The following MEI4 variants were observed in gnomAD, a reference collection of about 807,000 sequenced individuals.
MEI4 encodes meiotic double-stranded break formation protein 4, also known as meiosis-specific protein MEI4.
In MEI4, 27 loss-of-function variants were observed where a neutral mutation model predicts 31.4. That is an observed-to-expected ratio of 0.86 (90% CI 0.63 to 1.19). MEI4 has a LOEUF of 1.19. Ranked by LOEUF, MEI4 falls within the 50% of genes most tolerant of loss-of-function variation. The pLI is 0.00. For synonymous variants in MEI4, 122 were observed against 145.4 expected (o/e 0.84, Z 1.16); for missense variants, 329 against 398.9 (o/e 0.82, Z 1.49).
chr6:77,759,299 C>G (rs1204972732), intron 2 of MEI4, among the ~76,000 whole-genome samples: 2 of 151,994 alleles, frequency 1.3e-5, no homozygotes, highest in Non-Finnish European at 2.9e-5. Flanking sequence ...TTCAGGGTAT[C>G]TTTTTTGATC....
intron 3 of MEI4, among the ~76,000 whole-genome samples, chr6:77,818,477 T>G (rs1450784635): frequency 1.3e-5 from 2 of 152,186 alleles, no homozygotes; most frequent in East Asian, 1.9e-4. Context: ...GAATTGATTT[T>G]CACAATCTTG....
chr6:77,822,743 C>A (rs1395458274), intron 3 of MEI4, among the ~76,000 whole-genome samples: 2 of 151,460 alleles, frequency 1.3e-5, no homozygotes, highest in Non-Finnish European at 2.9e-5. Context: ...TCTCAGCCTC[C>A]CGAGTAGCTG....
intron 3 of MEI4, among the ~76,000 whole-genome samples, chr6:77,827,896 G>T (rs2127710937): frequency 6.6e-6 from 1 of 152,212 alleles, no homozygotes; most frequent in African/African-American, 2.4e-5. Context: ...ACAGTTCATA[G>T]CTATACTATG....
Position 77,871,306 on chromosome 6 carries a change from C to A in MEI4, c.900+42244C>A, listed in dbSNP as rs565442163. Among the ~76,000 whole-genome samples the A allele has an allele frequency of 2.6e-5, 4 of 152,134 alleles. No individual in the cohort carries two copies. The East Asian group carries it at 7.7e-4, about 29-fold the overall frequency. ...CTTCCTATTAAAACACAAACAAAAACAAAAGTCTACCTAAAAAAGATATTT... is the reference window on the plus strand; with the variant it reads ...CTTCCTATTAAAACACAAACAAAAAAAAAAGTCTACCTAAAAAAGATATTT... On this transcript the variant is annotated intron_variant, in intron 4 of 4. Transcript: ENST00000684080.
At chr6:77,904,308 C>T (rs1002797374) in intron 4 of MEI4, among the ~76,000 whole-genome samples, 1 of 151,982 alleles carries the variant, frequency 6.6e-6, no homozygotes, top group Non-Finnish European at 1.5e-5. Context: ...AATTTTCTTT[C>T]CAACTTTTTT....
intron 3 of MEI4, among the ~76,000 whole-genome samples, chr6:77,813,143 C>T (rs1769613214): frequency 6.6e-6 from 1 of 151,982 alleles, no homozygotes; most frequent in African/African-American, 2.4e-5. Context: ...TGCCTGATCC[C>T]AGTATTTTTT....
chr6:77,712,153 A>C (rs2127660234), intron 2 of MEI4, among the ~76,000 whole-genome samples: 1 of 152,318 alleles, frequency 6.6e-6, no homozygotes, highest in South Asian at 2.1e-4. Flanking sequence ...TTTACAAGTA[A>C]ATGTTTAAGA....
At chr6:77,811,031 A>G (rs1478229855) in intron 3 of MEI4, among the ~76,000 whole-genome samples, 1 of 152,220 alleles carries the variant, frequency 6.6e-6, no homozygotes, top group Non-Finnish European at 1.5e-5. Flanking sequence ...ACTCAATTGC[A>G]GTCTAATTTT....
intron 4 of MEI4, among the ~76,000 whole-genome samples, chr6:77,863,175 A>G (rs1308089960): frequency 6.6e-6 from 1 of 152,088 alleles, no homozygotes; most frequent in Non-Finnish European, 1.5e-5. Context: ...AAATCAGAGC[A>G]CCTCTCCTCC....
intron 2 of MEI4, among the ~76,000 whole-genome samples, chr6:77,726,832 T>TAATG (rs35867512): frequency 0.81 from 122,807 of 151,758 alleles, 49,937 homozygotes; most frequent in East Asian, 0.95. Context: ...CAGACAAAAA[T>TAATG]AAGCTTATTT....
chr6:77,746,535 A>G (rs1238370062), intron 2 of MEI4, among the ~76,000 whole-genome samples: 2 of 152,122 alleles, frequency 1.3e-5, no homozygotes, highest in Non-Finnish European at 2.9e-5. Context: ...ACTACAACTT[A>G]CAGTATCCTG....
At chr6:77,841,680 A>G (rs1282581164) in intron 4 of MEI4, among the ~76,000 whole-genome samples, 1 of 152,000 alleles carries the variant, frequency 6.6e-6, no homozygotes, top group African/African-American at 2.4e-5. Context: ...CAAAATAATA[A>G]AGACCTTTAA....
chr6:77,869,517 G>A (rs1056420159), intron 4 of MEI4, among the ~76,000 whole-genome samples: 6 of 152,042 alleles, frequency 3.9e-5, no homozygotes, highest in Non-Finnish European at 7.4e-5. Context: ...CCACGTGAAG[G>A]GGCAACAGAA....
chr6:77,702,055 A>G (rs1766238178), intron 2 of MEI4, among the ~76,000 whole-genome samples: 1 of 152,144 alleles, frequency 6.6e-6, no homozygotes, highest in African/African-American at 2.4e-5. Context: ...CTCATCTTGT[A>G]TAAGCATGTA....
chr6:77,867,977 C>A (rs1411338315), intron 4 of MEI4, among the ~76,000 whole-genome samples: 7 of 151,600 alleles, frequency 4.6e-5, no homozygotes, highest in African/African-American at 1.7e-4. Context: ...ACAAAAAAAC[C>A]AAACACCGCA....
At chr6:77,750,455 G>A (rs1296863619) in intron 2 of MEI4, among the ~76,000 whole-genome samples, 1 of 152,068 alleles carries the variant, frequency 6.6e-6, no homozygotes, top group Non-Finnish European at 1.5e-5. Context: ...ACCAAAGAAA[G>A]CAGGTATTGC....
intron 2 of MEI4, among the ~76,000 whole-genome samples, chr6:77,754,296 C>T (rs1425375298): frequency 1.3e-5 from 2 of 152,032 alleles, no homozygotes; most frequent in Non-Finnish European, 2.9e-5. Flanking sequence ...AACAAACAAA[C>T]AAGGCTCCAA....
intron 2 of MEI4, among the ~76,000 whole-genome samples, chr6:77,707,249 A>G (rs958137992): frequency 6.6e-6 from 1 of 152,156 alleles, no homozygotes; most frequent in Non-Finnish European, 1.5e-5. Flanking sequence ...TACCCTAGCA[A>G]AGAACTTGAC....
intron 3 of MEI4, among the ~76,000 whole-genome samples, chr6:77,769,339 C>A (rs1051741075): frequency 6.6e-6 from 1 of 152,088 alleles, no homozygotes; most frequent in Non-Finnish European, 1.5e-5. Context: ...ATCATCCATC[C>A]TAGCAATTGG....
Sources: allele counts gnomAD v4.1 joint callset (sites outside exome capture counted in the v4.1 genomes callset), GRCh38; gene constraint gnomAD v4.1.1; transcripts MANE v1.5; gene names NCBI Gene and HGNC (gene_info 2026-07-23, HGNC 2026-07-21).